The following ZNF746 variants were observed in gnomAD, a reference collection of about 807,000 sequenced individuals.
The protein encoded by ZNF746 is zinc finger protein 746.
In ZNF746, 13 loss-of-function variants were observed where a neutral mutation model predicts 41.0. The observed-to-expected ratio is 0.32, with a 90% CI of 0.21 to 0.50. The LOEUF is 0.50. Ranked by LOEUF, ZNF746 falls within the 20% of genes least tolerant of loss-of-function variation. The pLI, the probability that ZNF746 is intolerant of heterozygous loss-of-function variation, is 0.98. For synonymous variants in ZNF746, 424 were observed against 396.2 expected (o/e 1.07, Z -0.83); for missense variants, 811 against 922.9 (o/e 0.88, Z 1.57).
At chr7:149,477,450 T>C in intron 5 of ZNF746, 114 bp downstream of exon 5, 1 of 1,258,126 alleles carries the variant, frequency 7.9e-7, no homozygotes, top group Non-Finnish European at 1.1e-6. Flanking sequence ...TTTCTAAAGT[T>C]GTCAGGCCGG....
chr7:149,474,203 G>T lies in ZNF746; in HGVS notation c.*181C>A. 1 of 629,792 alleles carries T rather than the reference G, an allele frequency of 1.6e-6. No individual in the cohort carries two copies. Among genetic ancestry groups the T allele is most frequent in the Non-Finnish European group, 2.7e-6 (1 of 372,820 alleles). The allele number at this position is 629,792 out of a possible 1,614,324, so 39.0% of individuals were successfully genotyped here. ...TCCCATTTCACAGAGAATTCTACTT[G>T]GTTTAGAGGTGGCAGCTGTCCTGGT... On this transcript the variant is annotated 3_prime_UTR_variant, in exon 7 of 7. Coordinates refer to ENST00000458143, the MANE Select transcript of ZNF746 (RefSeq NM_001394198.1). The surrounding 1 kb of genome is among the most constrained non-coding windows in gnomAD (Gnocchi z 6.3).
Position 149,474,144 on chromosome 7 carries a change from G to A in ZNF746, c.*240C>T. ...AAACAAAAAACAAAAAACAAAACAG[G>A]TTTGCAATTAAATTACTTAAAATTC... On this transcript the variant is annotated 3_prime_UTR_variant, in exon 7 of 7. Coordinates refer to ENST00000458143, the MANE Select transcript of ZNF746 (RefSeq NM_001394198.1). This position sits in a 1 kb window ranked among gnomAD's most constrained non-coding sequence, Gnocchi z 6.3. 3 of 539,502 alleles carry A rather than the reference G, an allele frequency of 5.6e-6. No individual in the cohort carries two copies. The highest frequency in any genetic ancestry group is 9.8e-6 in the Non-Finnish European group (3 of 307,498). The allele number at this position is 539,502 out of a possible 1,614,324, so 33.4% of individuals were successfully genotyped here. A position where few individuals can be genotyped will look rare whatever the true frequency, so the allele number is the denominator to read the frequency against.
intron 4 of ZNF746, 84 bp downstream of exon 4, chr7:149,492,775 G>A: frequency 1.0e-6 from 1 of 962,252 alleles, no homozygotes. Flanking sequence ...GACTCTCTCT[G>A]GAAAGATCAC....
At chr7:149,478,889 G>C (rs1229569822) in intron 4 of ZNF746, among the ~76,000 whole-genome samples, 3 of 152,226 alleles carry the variant, frequency 2.0e-5, no homozygotes, top group Non-Finnish European at 4.4e-5. Flanking sequence ...AAACTCAAAT[G>C]GATGGCTCTG....
chr7:149,496,875 G>A (rs117885821), intron 1 of ZNF746: 14,103 of 985,412 alleles, frequency 0.014, 113 homozygotes, highest in Non-Finnish European at 0.016. Context: ...CAGCCACTGT[G>A]TGTCTTTTCA....
At position 149,492,020 on chromosome 7, in the gene ZNF746, T is replaced by C; in HGVS notation, c.565+839A>G. ...AATACCAAACCATAAGGCTGACCAATGTAGACCAAAGTAGCTCTACAACTG... is the reference window on the plus strand; with the variant it reads ...AATACCAAACCATAAGGCTGACCAACGTAGACCAAAGTAGCTCTACAACTG... On this transcript the variant is annotated intron_variant, in intron 4 of 6. Transcript: ENST00000458143. 6 of 702,632 alleles carry C rather than the reference T, an allele frequency of 8.5e-6. No individual in the cohort carries two copies. In the South Asian group the frequency reaches 8.9e-5, roughly 10 times the overall value. 43.5% of individuals were successfully genotyped at this position (702,632 alleles called of 1,614,324 possible).
rs558653402 is a variant in ZNF746 at position 149,497,628 on chromosome 7, C to T, written c.-92G>A. 4.0e-4 allele frequency: 385 copies of T among 955,188 alleles called. 1 individual carries two copies. The South Asian group carries it at 0.013, about 32-fold the overall frequency. 59.2% of individuals were successfully genotyped at this position (955,188 alleles called of 1,614,324 possible). A position where few individuals can be genotyped will look rare whatever the true frequency, so the allele number is the denominator to read the frequency against. On this transcript the variant is annotated 5_prime_UTR_variant, in exon 1 of 7. Coordinates refer to ENST00000458143, the MANE Select transcript of ZNF746 (RefSeq NM_001394198.1). The surrounding 1 kb of genome is among the most constrained non-coding windows in gnomAD (Gnocchi z 4.2). ...AGGCCCGGCCGCCCGGTGCTCTCCG[C>T]AGGCGGCGCCTGCCTGGCCTTTCCT...
rs114086154 is a variant in ZNF746 at position 149,492,792 on chromosome 7, T to C, written c.565+67A>G. 1.8e-3 allele frequency: 2,026 copies of C among 1,111,850 alleles called. 22 individuals carry two copies. The African/African-American group carries it at 0.022, about 12-fold the overall frequency. 68.9% of individuals were successfully genotyped at this position (1,111,850 alleles called of 1,614,324 possible). A position where few individuals can be genotyped will look rare whatever the true frequency, so the allele number is the denominator to read the frequency against. Reference sequence around the variant, plus strand: ...CTCTCTCTGGAAAGATCACACCCTTTCTGGCCTTTCCGTCTCTGTTTCCTG... The same window carrying C: ...CTCTCTCTGGAAAGATCACACCCTTCCTGGCCTTTCCGTCTCTGTTTCCTG... On this transcript the variant is annotated intron_variant, in intron 4 of 6. Transcript: ENST00000458143.
chr7:149,478,875 T>C (rs1301520213), intron 4 of ZNF746, among the ~76,000 whole-genome samples: 1 of 152,064 alleles, frequency 6.6e-6, no homozygotes, highest in East Asian at 1.9e-4. Context: ...GCTGTGGAAA[T>C]GAAAAACTCA....
At chr7:149,491,999 C>G (rs369147830) in intron 4 of ZNF746, 22 of 702,828 alleles carry the variant, frequency 3.1e-5, no homozygotes, top group East Asian at 8.0e-5. Context: ...TCTAATAATA[C>G]CAAACCATAA....
In ZNF746 at chr7:149,474,434, A is replaced by C; in HGVS notation, c.1933T>G (p.Trp645Gly). 6.2e-7 allele frequency: 1 copy of C among 1,611,324 alleles called. No homozygotes were observed. The highest frequency in any genetic ancestry group is 8.5e-7 in the Non-Finnish European group (1 of 1,178,886). The change falls in exon 7 of 7, where the codon TGG becomes GGG. Residue 645 changes from tryptophan to glycine, a missense_variant. Trp to Gly is a radical substitution (Grantham distance 184). This residue lies in a region of ZNF746 where 99 missense variants were observed against 80.3 expected (regional missense o/e 1.23). Transcript: ENST00000458143. This position sits in a 1 kb window ranked among gnomAD's most constrained non-coding sequence, Gnocchi z 6.3. ...CCCAGGACGCTGAGGCCACAAGTCC[A>C]GTCGGTCACAAGGTCTGTGGAGGCC... ...PLASTDLVTDWTCGLSVLGPT... is the reference protein window; with the variant it reads ...PLASTDLVTDGTCGLSVLGPT...
At chr7:149,491,926 G>C in intron 4 of ZNF746, 2 of 702,220 alleles carry the variant, frequency 2.8e-6, no homozygotes, top group Non-Finnish European at 5.2e-6. Context: ...GTGCTGACTG[G>C]CTCCAGGGAA....
chr7:149,479,449 A>G (rs1023167070), intron 4 of ZNF746, among the ~76,000 whole-genome samples: 3 of 152,256 alleles, frequency 2.0e-5, no homozygotes, highest in Non-Finnish European at 2.9e-5. Flanking sequence ...AACAAATTTA[A>G]AAAATAATCT....
At chr7:149,483,444 T>C (rs1226166010) in intron 4 of ZNF746, among the ~76,000 whole-genome samples, 1 of 151,906 alleles carries the variant, frequency 6.6e-6, no homozygotes, top group African/African-American at 2.4e-5. Flanking sequence ...CCATCCCTAC[T>C]AAAAATACAA....
chr7:149,494,607 T>C lies in ZNF746; in HGVS notation c.25-104A>G, dbSNP rs1800934397. ...GGGAGTTGGGCTGGGAGTCCATATG[T>C]GTGGACAAGTGGGGCTATCCTATAC... is the stretch of plus-strand genomic sequence containing the variant. On this transcript the variant is annotated intron_variant, in intron 1 of 6. Transcript: ENST00000458143. This position sits in a 1 kb window ranked among gnomAD's most constrained non-coding sequence, Gnocchi z 5.6. 1 of 1,304,050 alleles carries C rather than the reference T, an allele frequency of 7.7e-7. No individual in the cohort carries two copies. Among genetic ancestry groups the C allele is most frequent in the African/African-American group, 1.5e-5 (1 of 67,682 alleles). The allele number at this position is 1,304,050 out of a possible 1,614,324, so 80.8% of individuals were successfully genotyped here.
chr7:149,480,167 A>C (rs1196488220), intron 4 of ZNF746, among the ~76,000 whole-genome samples: 2 of 152,216 alleles, frequency 1.3e-5, no homozygotes, highest in African/African-American at 4.8e-5. Flanking sequence ...GCTTTCAAAT[A>C]ATCAATGAGC....
intron 4 of ZNF746, chr7:149,477,973 C>T (rs940185063): frequency 4.1e-5 from 18 of 437,146 alleles, no homozygotes; most frequent in East Asian, 1.0e-4. Flanking sequence ...AAGGCTGAGG[C>T]GGGGGAGGGG....
intron 4 of ZNF746, chr7:149,487,982 G>T (rs1432431736): frequency 6.6e-6 from 1 of 152,052 alleles, no homozygotes; most frequent in Non-Finnish European, 1.5e-5. Flanking sequence ...AGCAGAGAAG[G>T]ATTAGTCTAC....
chr7:149,492,770 T>A, intron 4 of ZNF746, 89 bp downstream of exon 4: 2 of 925,520 alleles, frequency 2.2e-6, no homozygotes, highest in Non-Finnish European at 1.7e-6. Context: ...TCCTCGACTC[T>A]CTCTGGAAAG....
Sources: gnomAD v4.1 joint callset for allele counts (sites outside exome capture counted in the v4.1 genomes callset) on GRCh38, gnomAD v4.1.1 for gene constraint, gnomAD v4.1.1 regional missense constraint, Gnocchi (gnomAD v3.1) non-coding constraint, MANE v1.5 for transcripts, NCBI Gene and HGNC (gene_info 2026-07-23, HGNC 2026-07-21) for gene names.